Variants in DDR2 observed in about 807,000 individuals in gnomAD.
DDR2 encodes discoidin domain-containing receptor 2.
Under a neutral mutation model 94.9 loss-of-function variants are expected in DDR2, and 27 were observed. The observed-to-expected ratio is 0.28, with a 90% CI of 0.21 to 0.39. The LOEUF is 0.39. DDR2 is among the 10% of genes least tolerant of loss of function. DDR2 has a pLI of 1.00. For missense variants in DDR2, 783 were observed against 1,076.0 expected, an observed-to-expected ratio of 0.73 and a Z score of 3.81; for synonymous variants, 382 against 377.2, an observed-to-expected ratio of 1.01 and a Z score of -0.15.
At chr1:162,760,013 A>G in intron 8 of DDR2, 34 bp downstream of exon 8, 1 of 1,613,934 alleles carries the variant, frequency 6.2e-7, no homozygotes, top group Middle Eastern at 1.7e-4. Flanking sequence ...AACTTCTTTA[A>G]GGAGGCACAA....
At chr1:162,725,634 TA>T (rs1192116787) in intron 3 of DDR2, among the ~76,000 whole-genome samples, 11 of 152,238 alleles carry the variant, frequency 7.2e-5, no homozygotes, top group African/African-American at 2.6e-4. Context: ...GTGCTGGGAT[TA>T]CAGGCATGAG....
chr1:162,639,019 G>T (rs1656985470), intron 1 of DDR2, among the ~76,000 whole-genome samples: 1 of 151,496 alleles, frequency 6.6e-6, no homozygotes, highest in African/African-American at 2.4e-5. Context: ...AGACTGGAGT[G>T]CAGTGGCGCA....
At chr1:162,670,478 C>G (rs981995158) in intron 2 of DDR2, among the ~76,000 whole-genome samples, 1 of 152,164 alleles carries the variant, frequency 6.6e-6, no homozygotes, top group Non-Finnish European at 1.5e-5. Context: ...ATCTTCCTCA[C>G]GTAAAGTCAA....
chr1:162,721,100 C>T (rs973462337), intron 3 of DDR2, among the ~76,000 whole-genome samples: 1 of 152,136 alleles, frequency 6.6e-6, no homozygotes, highest in Non-Finnish European at 1.5e-5. Flanking sequence ...TTGCCTCCTA[C>T]TACATTCTTC....
At chr1:162,680,877 A>G (rs532222255) in intron 2 of DDR2, among the ~76,000 whole-genome samples, 1 of 152,232 alleles carries the variant, frequency 6.6e-6, no homozygotes, top group Non-Finnish European at 1.5e-5. Context: ...TGGAGCTAAG[A>G]CATTTCTAAG....
At chr1:162,633,454 A>C (rs1656657946) in intron 1 of DDR2, among the ~76,000 whole-genome samples, 1 of 152,216 alleles carries the variant, frequency 6.6e-6, no homozygotes, top group African/African-American at 2.4e-5. Flanking sequence ...CCTACAACAC[A>C]GAGTTAAGAG....
At chr1:162,678,764 GT>G (rs1377365578) in intron 2 of DDR2, among the ~76,000 whole-genome samples, 2 of 152,186 alleles carry the variant, frequency 1.3e-5, no homozygotes, top group African/African-American at 4.8e-5. Context: ...AACAAAGTAG[GT>G]TGTGTTCAGA....
In DDR2 at chr1:162,761,311, C is replaced by T. The variant is rs761991484; in HGVS notation, c.956C>T (p.Ser319Phe). 72 of 1,614,072 alleles carry T rather than the reference C, an allele frequency of 4.5e-5. No individual in the cohort carries two copies. Among genetic ancestry groups the T allele is most frequent in the Non-Finnish European group, 5.8e-5 (69 of 1,180,046 alleles). The stretch of plus-strand genomic sequence containing the variant: ...AGTGAGTGGGAACCTAATGCCATTT[C>T]CTTCCCCCTTGTCCTGGATGACGTC... ...EASEWEPNAI[S>F]FPLVLDDVNP... Residue 319 changes from serine (S) to phenylalanine (F), a missense_variant, in exon 9 of 18, where the codon TCC (serine) becomes TTC (phenylalanine). Ser to Phe is a radical substitution (Grantham distance 155, BLOSUM62 -2). This residue lies in a region of DDR2 where 519 missense variants were observed against 647.9 expected (regional missense o/e 0.80). Coordinates refer to ENST00000367921, the MANE Select transcript of DDR2 (RefSeq NM_006182.4).
intron 3 of DDR2, among the ~76,000 whole-genome samples, chr1:162,724,943 C>T (rs553030319): frequency 1.3e-4 from 20 of 152,230 alleles, no homozygotes; most frequent in South Asian, 4.2e-4. Flanking sequence ...TCTAGGCTGA[C>T]GCCTGAGAGT....
rs1661302280 is a variant in DDR2 at position 162,719,244 on chromosome 1, C to A, written c.82+99C>A. On this transcript the variant is annotated intron_variant, in intron 3 of 17. Coordinates refer to ENST00000367921, the MANE Select transcript of DDR2 (RefSeq NM_006182.4). ...GTCTAAAAGCTGCCAAGAGGGACTA[C>A]AAAGCTCTTTCTTTTTAAATCTCCA... 27 of 1,586,726 alleles carry A rather than the reference C, an allele frequency of 1.7e-5. No individual in the cohort carries two copies. The South Asian group carries it at 3.0e-4, about 18-fold the overall frequency.
chr1:162,771,965 C>T, intron 12 of DDR2, 59 bp from the exon 13 acceptor site: 1 of 1,534,762 alleles, frequency 6.5e-7, no homozygotes, highest in Non-Finnish European at 8.8e-7. Flanking sequence ...GAGTTCCTTC[C>T]TGAAGAGATC....
chr1:162,729,164 G>A (rs1419838520), intron 3 of DDR2, among the ~76,000 whole-genome samples: 1 of 150,666 alleles, frequency 6.6e-6, no homozygotes, highest in African/African-American at 2.4e-5. Context: ...GTCCCTTGTG[G>A]TCCCCAAGAC....
rs1663394953 is a variant in DDR2 at position 162,755,103 on chromosome 1, A to T, written c.418-53A>T. 1.9e-6 allele frequency: 3 copies of T among 1,612,690 alleles called. No individual in the cohort carries two copies. In the South Asian group the frequency reaches 3.3e-5, roughly 18 times the overall value. On this transcript the variant is annotated intron_variant, in intron 5 of 17. Transcript: ENST00000367921. ...ATCAAAAACGTGGTGGGGTGAAGAAAAGTGAGCATGATTTAATACCACCTC... is the reference window on the plus strand; with the variant it reads ...ATCAAAAACGTGGTGGGGTGAAGAATAGTGAGCATGATTTAATACCACCTC...
At chr1:162,704,621 C>T (rs1660580423) in intron 2 of DDR2, among the ~76,000 whole-genome samples, 1 of 152,186 alleles carries the variant, frequency 6.6e-6, no homozygotes, top group African/African-American at 2.4e-5. Context: ...GGCATGTTCT[C>T]ACTGTGTCCT....
At position 162,754,658 on chromosome 1, in the gene DDR2, C is replaced by T. The variant is rs2102132627; in HGVS notation, c.220C>T (p.Pro74Ser). 2 of 1,614,094 alleles carry T rather than the reference C, an allele frequency of 1.2e-6. No individual in the cohort carries two copies. The highest frequency in any genetic ancestry group is 1.7e-6 in the Non-Finnish European group (2 of 1,179,986). The stretch of plus-strand genomic sequence containing the variant: ...AGAAGAAGGGGATGGAGCCTGGTGC[C>T]CTGAGATTCCAGTGGAACCTGATGA... ...DSEEGDGAWCPEIPVEPDDLK... is the reference protein window; with the variant it reads ...DSEEGDGAWCSEIPVEPDDLK... The change falls in exon 5 of 18, where the codon CCT (proline) becomes TCT (serine). Residue 74 changes from proline (P) to serine (S), a missense_variant. Coordinates refer to ENST00000367921, the MANE Select transcript of DDR2 (RefSeq NM_006182.4).
Position 162,776,560 on chromosome 1 carries a change from A to G in DDR2, c.2283+190A>G, listed in dbSNP as rs183133620. ...GCTTGCCTATTTCTGCTAAAAAATTAACACACATAAAAATTTAGGGAGAGA... is the reference window on the plus strand; with the variant it reads ...GCTTGCCTATTTCTGCTAAAAAATTGACACACATAAAAATTTAGGGAGAGA... On this transcript the variant is annotated intron_variant, in intron 16 of 17. Transcript: ENST00000367921. Among the ~76,000 whole-genome samples, 709 of 152,364 alleles carry G rather than the reference A, an allele frequency of 4.7e-3. 3 individuals carry two copies. The highest frequency in any genetic ancestry group is 0.016 in the African/African-American group (678 of 41,584).
At chr1:162,765,130 A>C (rs1028579033) in intron 9 of DDR2, among the ~76,000 whole-genome samples, 1 of 152,130 alleles carries the variant, frequency 6.6e-6, no homozygotes, top group African/African-American at 2.4e-5. Flanking sequence ...ACCCATCCTC[A>C]GGGATTCTCC....
Position 162,781,563 on chromosome 1 carries a change from C to A in DDR2, c.*1317C>A, listed in dbSNP as rs545550668. 1.3e-5 allele frequency: 2 copies of A among 152,184 alleles called. No homozygotes were observed. The highest frequency in any genetic ancestry group is 2.1e-4 in the South Asian group (1 of 4,820). 9.4% of individuals were successfully genotyped at this position (152,184 alleles called of 1,614,324 possible). A position where few individuals can be genotyped will look rare whatever the true frequency, so the allele number is the denominator to read the frequency against. On this transcript the variant is annotated 3_prime_UTR_variant, in exon 18 of 18. Transcript: ENST00000367921. ...GGTGGTATGAGACAATGTTTAATGT[C>A]CTTCTAACTCCGAGAGTCCTTGATT...
intron 11 of DDR2, 80 bp from the exon 12 acceptor site, chr1:162,770,222 G>A (rs1200722003): frequency 3.7e-6 from 5 of 1,349,706 alleles, no homozygotes; most frequent in Admixed American, 3.4e-5. Context: ...CATTTGAGTG[G>A]GAGAGCTGAG....
Sources: gnomAD v4.1 joint callset for allele counts (sites outside exome capture counted in the v4.1 genomes callset) on GRCh38, gnomAD v4.1.1 for gene constraint, gnomAD v4.1.1 regional missense constraint, MANE v1.5 for transcripts, NCBI Gene and HGNC (gene_info 2026-07-23, HGNC 2026-07-21) for gene names.